MAGI2: variants seen among roughly 807,000 people sequenced by gnomAD.
MAGI2 encodes membrane-associated guanylate kinase, WW and PDZ domain-containing protein 2.
A neutral mutation model predicts 133.3 loss-of-function variants in MAGI2; 35 were observed. The observed-to-expected ratio is 0.26, with a 90% confidence interval of 0.20 to 0.35. MAGI2 has a LOEUF of 0.35. Among genes scored for constraint, MAGI2 ranks in the 10% least tolerant of loss-of-function variants. The probability of loss-of-function intolerance (pLI) is 1.00; values close to 1 mark genes in which losing one functional copy is unlikely to be tolerated. For synonymous variants in MAGI2, 729 were observed against 710.6 expected (o/e 1.03, Z -0.41); for missense variants, 1,636 against 1,863.4 (o/e 0.88, Z 2.25).
intron 2 of MAGI2, among the ~76,000 whole-genome samples, chr7:78,715,328 A>G (rs1476908366): frequency 6.6e-6 from 1 of 152,178 alleles, no homozygotes; most frequent in African/African-American, 2.4e-5. Flanking sequence ...GTTTAAGAAG[A>G]ATATTTGCTT....
chr7:78,489,919 G>C, intron 5 of MAGI2, 79 bp from the exon 6 acceptor site: 1 of 1,075,334 alleles, frequency 9.3e-7, no homozygotes, highest in Non-Finnish European at 1.4e-6. Context: ...AAAAAGCAGG[G>C]TTAGTCCAAC....
intron 2 of MAGI2, among the ~76,000 whole-genome samples, chr7:78,750,783 C>T (rs1284234992): frequency 6.6e-6 from 1 of 152,138 alleles, no homozygotes; most frequent in African/African-American, 2.4e-5. Flanking sequence ...GCAATATTCA[C>T]ACTTCTAAAG....
At chr7:79,430,971 AG>A (rs1847738261) in intron 1 of MAGI2, among the ~76,000 whole-genome samples, 1 of 152,212 alleles carries the variant, frequency 6.6e-6, no homozygotes, top group Admixed American at 6.5e-5. Flanking sequence ...AAGACCGATA[AG>A]CTTGAATGTT....
chr7:79,352,712 G>A (rs1841770353), intron 1 of MAGI2, among the ~76,000 whole-genome samples: 1 of 152,158 alleles, frequency 6.6e-6, no homozygotes, highest in African/African-American at 2.4e-5. Context: ...TCAGATCCAA[G>A]ACAACCTCAT....
rs1584154744 is a variant in MAGI2, at chr7:78,150,831, A to G, written c.2845+9194T>C. Among the ~76,000 whole-genome samples the G allele has an allele frequency of 3.9e-5, 6 of 152,342 alleles. No homozygotes were observed. The East Asian group carries it at 1.2e-3, about 29-fold the overall frequency. ...AGTAAGAAAAATAGTCCAGAATTTT[A>G]GAAAATGCATTGTGAACACACAGAT... is the stretch of plus-strand genomic sequence containing the variant. On this transcript the variant is annotated intron_variant, in intron 16 of 21. Transcript: ENST00000354212.
At chr7:78,705,547 T>C (rs10256389) in intron 2 of MAGI2, among the ~76,000 whole-genome samples, 8,220 of 152,178 alleles carry the variant, frequency 0.054, 291 homozygotes, top group Non-Finnish European at 0.077. Flanking sequence ...ATTAAATGTA[T>C]ATAAGGACTG....
chr7:78,897,910 C>T (rs777307411), intron 2 of MAGI2, among the ~76,000 whole-genome samples: 10 of 152,178 alleles, frequency 6.6e-5, no homozygotes, highest in Admixed American at 1.3e-4. Context: ...AGACAACCTA[C>T]AGGGTGGGAC....
At chr7:78,614,136 G>A (rs1806796999) in intron 3 of MAGI2, among the ~76,000 whole-genome samples, 1 of 151,220 alleles carries the variant, frequency 6.6e-6, no homozygotes, top group South Asian at 2.1e-4. Context: ...AGTATATACT[G>A]CAAACTGTGA....
At chr7:78,627,404 G>C (rs1160219442) in intron 2 of MAGI2, among the ~76,000 whole-genome samples, 165 bp from the exon 3 acceptor site, 1 of 152,134 alleles carries the variant, frequency 6.6e-6, no homozygotes, top group Non-Finnish European at 1.5e-5. Context: ...AAAACAGCAG[G>C]GGGTAAAGAT....
intron 2 of MAGI2, among the ~76,000 whole-genome samples, chr7:78,629,023 ATGCATTCCTAGCACCACGTGAGCACC>A (rs1808673933): frequency 6.6e-6 from 1 of 152,132 alleles, no homozygotes; most frequent in Non-Finnish European, 1.5e-5. Flanking sequence ...CAGTATGGCA[ATGCATTCCTAGCACCACGTGAGCACC>A]AGGATCACAA....
At chr7:78,218,994 T>C (rs1584440927) in intron 10 of MAGI2, among the ~76,000 whole-genome samples, 1 of 152,166 alleles carries the variant, frequency 6.6e-6, no homozygotes, top group Non-Finnish European at 1.5e-5. Flanking sequence ...AACTGGAACA[T>C]TATCTTCTTT....
rs908841603 is a variant in MAGI2 at position 79,073,543 on chromosome 7, A to T, written c.302-66337T>A. Among the ~76,000 whole-genome samples the T allele has an allele frequency of 5.3e-5, 8 of 152,116 alleles. No homozygotes were observed. The South Asian group carries it at 1.7e-3, about 32-fold the overall frequency. ...CTCTTGAACCTGTCCACTTCTGCCA[A>T]CTCCATTCTCCTCACACTTTTATCT... is the stretch of plus-strand genomic sequence containing the variant. On this transcript the variant is annotated intron_variant, in intron 1 of 21. Transcript: ENST00000354212.
chr7:78,181,508 G>C (rs1410338207), intron 13 of MAGI2, among the ~76,000 whole-genome samples: 2 of 152,142 alleles, frequency 1.3e-5, no homozygotes, highest in Admixed American at 6.5e-5. Flanking sequence ...AGGAGGCAGT[G>C]GTTGTAAAGA....
At chr7:78,613,844 C>T (rs1424387395) in intron 3 of MAGI2, among the ~76,000 whole-genome samples, 1 of 152,170 alleles carries the variant, frequency 6.6e-6, no homozygotes, top group Non-Finnish European at 1.5e-5. Context: ...TGCAGTGGCT[C>T]ATGCCTGTAA....
At chr7:78,596,964 T>G (rs1046653566) in intron 3 of MAGI2, among the ~76,000 whole-genome samples, 2 of 152,160 alleles carry the variant, frequency 1.3e-5, no homozygotes, top group African/African-American at 2.4e-5. Context: ...GGCAGGCAGA[T>G]CTGAGTGAAT....
intron 9 of MAGI2, among the ~76,000 whole-genome samples, chr7:78,282,702 A>G (rs1253692376): frequency 6.6e-6 from 1 of 152,124 alleles, no homozygotes; most frequent in East Asian, 1.9e-4. Context: ...TTATGGCCTA[A>G]ATATAATTCT....
At chr7:78,528,986 T>G (rs932639728) in intron 3 of MAGI2, among the ~76,000 whole-genome samples, 1 of 148,606 alleles carries the variant, frequency 6.7e-6, no homozygotes, top group African/African-American at 2.5e-5. Context: ...GGAATGTTTG[T>G]TTTTTTTTTC....
chr7:79,291,718 G>T (rs1374439695), intron 1 of MAGI2, among the ~76,000 whole-genome samples: 2 of 152,152 alleles, frequency 1.3e-5, no homozygotes. Flanking sequence ...TGTCCTTGGA[G>T]AAATGACTAT....
At chr7:78,839,358 T>G (rs1791927390) in intron 2 of MAGI2, among the ~76,000 whole-genome samples, 1 of 152,106 alleles carries the variant, frequency 6.6e-6, no homozygotes, top group African/African-American at 2.4e-5. Context: ...AAATTGTGTT[T>G]TCTTTAAAAT....
Sources: gnomAD v4.1 joint callset for allele counts (sites outside exome capture counted in the v4.1 genomes callset) on GRCh38, gnomAD v4.1.1 for gene constraint, MANE v1.5 for transcripts, NCBI Gene and HGNC (gene_info 2026-07-23, HGNC 2026-07-21) for gene names.